Variants in MCAM observed in about 807,000 individuals in gnomAD.
The protein encoded by MCAM is cell surface glycoprotein MUC18.
A neutral mutation model predicts 79.1 loss-of-function variants in MCAM; 55 were observed. That is an observed-to-expected ratio of 0.70 (90% CI 0.56 to 0.87). MCAM has a LOEUF of 0.87. Ranked by LOEUF, MCAM falls within the 40% of genes least tolerant of loss-of-function variation. The pLI, the probability that MCAM is intolerant of heterozygous loss-of-function variation, is 0.00. For synonymous variants in MCAM, 330 were observed against 339.8 expected, an observed-to-expected ratio of 0.97 and a Z score of 0.32; for missense variants, 745 against 839.8, an observed-to-expected ratio of 0.89 and a Z score of 1.40.
chr11:119,314,611 G>A (rs769555286), intron 4 of MCAM, 35 bp from the exon 5 acceptor site: 22 of 1,610,884 alleles, frequency 1.4e-5, no homozygotes, highest in Admixed American at 8.3e-5. Flanking sequence ...CCCTGCCTCC[G>A]AGCCCCCTTC....
chr11:119,309,989 G>A, intron 15 of MCAM, 74 bp from the exon 16 acceptor site: 1 of 1,266,614 alleles, frequency 7.9e-7, no homozygotes, highest in Admixed American at 2.0e-5. Context: ...CGAGAGGAAG[G>A]AGAGATGGAA....
intron 5 of MCAM, chr11:119,314,095 G>T: frequency 1.1e-6 from 1 of 918,808 alleles, no homozygotes; most frequent in Non-Finnish European, 1.3e-6. Flanking sequence ...AGTACCATTT[G>T]TATAATTTTT....
Position 119,311,554 on chromosome 11 carries a change from G to A in MCAM, c.1383C>T (p.Thr461=). 1 of 1,614,114 alleles carries A rather than the reference G, an allele frequency of 6.2e-7. No individual in the cohort carries two copies. Among genetic ancestry groups the A allele is most frequent in the Non-Finnish European group, 8.5e-7 (1 of 1,180,018 alleles). ...CCGTGCCGTTGACGTTCCAGGAGAT[G>A]GTGGGCCGGGGGTGCCCTGACGCTT... ...SCEASGHPRP[T]ISWNVNGTAS... is the part of the protein sequence containing the mutation. The change falls in exon 11 of 16, where the codon ACC becomes ACT. Residue 461 remains threonine (T), a synonymous_variant. Coordinates refer to ENST00000264036, the MANE Select transcript of MCAM (RefSeq NM_006500.3). This position sits in a 1 kb window ranked among gnomAD's most constrained non-coding sequence, Gnocchi z 4.4.
In MCAM at chr11:119,308,774, G is replaced by A. The variant is rs751477561; in HGVS notation, c.*1112C>T. On this transcript the variant is annotated 3_prime_UTR_variant, in exon 16 of 16. Coordinates refer to ENST00000264036, the MANE Select transcript of MCAM (RefSeq NM_006500.3). The stretch of plus-strand genomic sequence containing the variant: ...GTTGGGGCCCTGAGCTTGGTTTGTA[G>A]AAGTTTGGTGCTAATATAACCATAG... 7.9e-5 allele frequency: 12 copies of A among 152,036 alleles called. No homozygotes were observed. Among genetic ancestry groups the A allele is most frequent in the Non-Finnish European group, 1.5e-4 (10 of 67,990 alleles). The allele number at this position is 152,036 out of a possible 1,614,324, so 9.4% of individuals were successfully genotyped here.
At position 119,316,742 on chromosome 11, in the gene MCAM, A is replaced by T; in HGVS notation, c.67+293T>A. The T allele has an allele frequency of 2.4e-6, 1 of 420,510 alleles. No individual in the cohort carries two copies. The highest frequency in any genetic ancestry group is 4.3e-6 in the Non-Finnish European group (1 of 232,544). The allele number at this position is 420,510 out of a possible 1,614,324, so 26.0% of individuals were successfully genotyped here. On this transcript the variant is annotated intron_variant, in intron 1 of 15. Coordinates refer to ENST00000264036, the MANE Select transcript of MCAM (RefSeq NM_006500.3). The surrounding 1 kb of genome is among the most constrained non-coding windows in gnomAD (Gnocchi z 4.8). ...GGCCCCCAGAGTGAGCACCTCAGGGACCACCCACCCCCCAGCACCCCGAAA... is the reference window on the plus strand; with the variant it reads ...GGCCCCCAGAGTGAGCACCTCAGGGTCCACCCACCCCCCAGCACCCCGAAA...
chr11:119,309,462 G>A lies in MCAM; in HGVS notation c.*424C>T, dbSNP rs1390841708. ...CAACATGAGCAGGCGCCTGGCTCCG[G>A]TGTGTCCTCACTTCAGTGGTGCACC... On this transcript the variant is annotated 3_prime_UTR_variant, in exon 16 of 16. Transcript: ENST00000264036. The A allele has an allele frequency of 9.4e-6, 2 of 213,104 alleles. No homozygotes were observed. Among genetic ancestry groups the A allele is most frequent in the Non-Finnish European group, 1.9e-5 (2 of 105,162 alleles). 13.2% of individuals were successfully genotyped at this position (213,104 alleles called of 1,614,324 possible). A position where few individuals can be genotyped will look rare whatever the true frequency, so the allele number is the denominator to read the frequency against.
rs1196681910 is a variant in MCAM, at chr11:119,317,050, A to T, written c.52T>A (p.Cys18Ser). Reference sequence around the variant, plus strand: ...GCGAACTCACCCGCGACGCGAGGACAGCAGCAGCAGGCGGCGAGCAAGAAG... The same window carrying T: ...GCGAACTCACCCGCGACGCGAGGACTGCAGCAGCAGGCGGCGAGCAAGAAG... ...CAFLLAACCCCPRVAGVPGEA... is the reference protein window; with the variant it reads ...CAFLLAACCCSPRVAGVPGEA... The change falls in exon 1 of 16, where the codon TGT (cysteine) becomes AGT (serine). Residue 18 changes from cysteine to serine, a missense_variant. Cys to Ser is a moderately radical substitution (Grantham distance 112). Coordinates refer to ENST00000264036, the MANE Select transcript of MCAM (RefSeq NM_006500.3). The surrounding 1 kb of genome is among the most constrained non-coding windows in gnomAD (Gnocchi z 6.2). The T allele has an allele frequency of 1.3e-6, 2 of 1,529,630 alleles. No individual in the cohort carries two copies. The highest frequency in any genetic ancestry group is 1.8e-6 in the Non-Finnish European group (2 of 1,141,416). 94.8% of individuals were successfully genotyped at this position (1,529,630 alleles called of 1,614,324 possible).
At position 119,315,328 on chromosome 11, in the gene MCAM, G is replaced by A. The variant is rs1446878225; in HGVS notation, c.68-65C>T. 2 of 1,542,560 alleles carry A rather than the reference G, an allele frequency of 1.3e-6. No homozygotes were observed. The highest frequency in any genetic ancestry group is 1.7e-6 in the Non-Finnish European group (2 of 1,147,626). ...CCGGCTGCTGTCCGCCCCTCCCCTC[G>A]CAGCGCTGCTGCAGCTGTTTTTCCT... is the stretch of plus-strand genomic sequence containing the variant. On this transcript the variant is annotated intron_variant, in intron 1 of 15. Coordinates refer to ENST00000264036, the MANE Select transcript of MCAM (RefSeq NM_006500.3). This position sits in a 1 kb window ranked among gnomAD's most constrained non-coding sequence, Gnocchi z 4.4.
At position 119,310,366 on chromosome 11, in the gene MCAM, T is replaced by C; in HGVS notation, c.1894A>G (p.Arg632Gly). The change falls in exon 15 of 16, where the codon AGG (arginine) becomes GGG (glycine). Residue 632 changes from arginine (R) to glycine (G), a missense_variant. By Grantham distance (125) the Arg-to-Gly change is moderately radical. Coordinates refer to ENST00000264036, the MANE Select transcript of MCAM (RefSeq NM_006500.3). The part of the protein sequence containing the change: ...GLLQGSSGDK[R>G]APGDQGEKYI... ...CCTCCTACCTGGTCTCCCGGAGCCC[T>C]CTTGTCACCGCTGCTGCCCTGCAGG... 6.2e-7 allele frequency: 1 copy of C among 1,613,418 alleles called. No individual in the cohort carries two copies. The highest frequency in any genetic ancestry group is 1.1e-5 in the South Asian group (1 of 91,064).
chr11:119,311,645 G>C lies in MCAM; in HGVS notation c.1292C>G (p.Pro431Arg). 6.2e-7 allele frequency: 1 copy of C among 1,614,026 alleles called. No homozygotes were observed. The highest frequency in any genetic ancestry group is 2.2e-5 in the East Asian group (1 of 44,866). The stretch of plus-strand genomic sequence containing the variant: ...CTTCCTCTCCTTGAATGCCATCCAA[G>C]GGGGGCCTTGGGGAGGTAGGGAGAG... Reference protein sequence around the residue: ...QLVNVAIFGPPWMAFKERKVW... With the variant: ...QLVNVAIFGPRWMAFKERKVW... Residue 431 changes from proline (P) to arginine (R), a missense_variant, in exon 11 of 16, where the codon CCT becomes CGT. Physicochemically the swap from Pro to Arg is moderately radical, Grantham distance 103. Transcript: ENST00000264036. The surrounding 1 kb of genome is among the most constrained non-coding windows in gnomAD (Gnocchi z 4.4).
Position 119,311,401 on chromosome 11 carries a change from A to G in MCAM, c.1428T>C (p.Asp476=). The change falls in exon 12 of 16, where the codon GAT becomes GAC. Residue 476 remains aspartate, a synonymous_variant. Coordinates refer to ENST00000264036, the MANE Select transcript of MCAM (RefSeq NM_006500.3). This position sits in a 1 kb window ranked among gnomAD's most constrained non-coding sequence, Gnocchi z 4.4. The stretch of plus-strand genomic sequence containing the variant: ...TCAGGGTGCTCAGGACTCGCTGTGG[A>G]TCTTGGTCTTGTTCACTTGCCTGCG... The part of the protein sequence containing the change: ...VNGTASEQDQ[D]PQRVLSTLNV... The G allele has an allele frequency of 1.2e-6, 2 of 1,614,070 alleles. No homozygotes were observed. The highest frequency in any genetic ancestry group is 1.3e-5 in the African/African-American group (1 of 75,002).
In MCAM at chr11:119,310,898, T is replaced by G; in HGVS notation, c.1651A>C (p.Lys551Gln). The G allele has an allele frequency of 6.2e-7, 1 of 1,614,080 alleles. No homozygotes were observed. The highest frequency in any genetic ancestry group is 8.5e-7 in the Non-Finnish European group (1 of 1,180,000). The stretch of plus-strand genomic sequence containing the variant: ...CCCCGGCTCTCCGGCTCCGGCAGCT[T>G]TCTCTCTGCGCCACAAAGACACTCC... ...TRANSTSTER[K>Q]LPEPESRGVV... Residue 551 changes from lysine (K) to glutamine (Q), a missense_variant, in exon 14 of 16, where the codon AAG (lysine) becomes CAG (glutamine). By Grantham distance (53) the Lys-to-Gln change is moderately conservative. Transcript: ENST00000264036.
intron 5 of MCAM, 76 bp from the exon 6 acceptor site, chr11:119,313,025 T>C: frequency 6.2e-7 from 1 of 1,603,796 alleles, no homozygotes; most frequent in African/African-American, 1.3e-5. Context: ...TCCACTGGGG[T>C]TGGCAGGGGA....
rs554245929 is a variant in MCAM at position 119,316,312 on chromosome 11, G to A, written c.67+723C>T. Among the ~76,000 whole-genome samples the A allele has an allele frequency of 2.2e-4, 33 of 152,220 alleles. No individual in the cohort carries two copies. The highest frequency in any genetic ancestry group is 4.7e-4 in the Non-Finnish European group (32 of 68,032). The stretch of plus-strand genomic sequence containing the variant: ...CCGCTGCGGGCCATACAAGGGCAGC[G>A]TGGACCCGAGAGCGCCCTGCTACCA... On this transcript the variant is annotated intron_variant, in intron 1 of 15. Coordinates refer to ENST00000264036, the MANE Select transcript of MCAM (RefSeq NM_006500.3). The surrounding 1 kb of genome is among the most constrained non-coding windows in gnomAD (Gnocchi z 4.8).
At position 119,311,744 on chromosome 11, in the gene MCAM, T is replaced by A; in HGVS notation, c.1285+64A>T. 1 of 1,607,610 alleles carries A rather than the reference T, an allele frequency of 6.2e-7. No individual in the cohort carries two copies. The highest frequency in any genetic ancestry group is 8.5e-7 in the Non-Finnish European group (1 of 1,175,836). ...CCCCAGGGCAGCAGGTGGCTTTTTGTCAAAGAGCTTAAAAACCACCCCACT... is the reference window on the plus strand; with the variant it reads ...CCCCAGGGCAGCAGGTGGCTTTTTGACAAAGAGCTTAAAAACCACCCCACT... On this transcript the variant is annotated intron_variant, in intron 10 of 15. Transcript: ENST00000264036. The surrounding 1 kb of genome is among the most constrained non-coding windows in gnomAD (Gnocchi z 4.4).
chr11:119,310,665 A>T, intron 14 of MCAM, 91 bp downstream of exon 14: 1 of 1,419,310 alleles, frequency 7.0e-7, no homozygotes, highest in Non-Finnish European at 9.7e-7. Context: ...CCAGGGCCCC[A>T]CTCCTGCTGT....
rs142042661 is a variant in MCAM, at chr11:119,311,158, G to A, written c.1577C>T (p.Ser526Phe). Residue 526 changes from serine to phenylalanine, a missense_variant, in exon 13 of 16, where the codon TCC becomes TTC. By Grantham distance (155) the Ser-to-Phe change is radical. Coordinates refer to ENST00000264036, the MANE Select transcript of MCAM (RefSeq NM_006500.3). This position sits in a 1 kb window ranked among gnomAD's most constrained non-coding sequence, Gnocchi z 4.4. ...LVNLTTLTPD[S>F]NTTTGLSTST... ...AGTGCTGAGGCCAGTGGTTGTGTTG[G>A]AGTCTGGTGTGAGGGTGGTTAAATT... is the stretch of plus-strand genomic sequence containing the variant. The A allele has an allele frequency of 1.2e-4, 199 of 1,614,104 alleles. No homozygotes were observed. The highest frequency in any genetic ancestry group is 1.6e-4 in the Non-Finnish European group (184 of 1,180,048).
In MCAM at chr11:119,309,522, C is replaced by T. The variant is rs963822340; in HGVS notation, c.*364G>A. ...GAAGCCAGCCTTTGGGGCAGGAAAC[C>T]AGCTCAGAGAGGCTACCCAGCTCAG... On this transcript the variant is annotated 3_prime_UTR_variant, in exon 16 of 16. Coordinates refer to ENST00000264036, the MANE Select transcript of MCAM (RefSeq NM_006500.3). The T allele has an allele frequency of 6.9e-6, 2 of 290,258 alleles. No individual in the cohort carries two copies. Among genetic ancestry groups the T allele is most frequent in the South Asian group, 4.9e-5 (1 of 20,344 alleles). The allele number at this position is 290,258 out of a possible 1,614,324, so 18.0% of individuals were successfully genotyped here.
Position 119,311,219 on chromosome 11 carries a change from G to A in MCAM, c.1550-34C>T, listed in dbSNP as rs751557924. ...CAGAGGGAGGGGTGTTAGGAGAAGCGCAAGTTACTGCCCGTGCCTGGGCCT... is the reference window on the plus strand; with the variant it reads ...CAGAGGGAGGGGTGTTAGGAGAAGCACAAGTTACTGCCCGTGCCTGGGCCT... On this transcript the variant is annotated intron_variant, in intron 12 of 15. Transcript: ENST00000264036. This position sits in a 1 kb window ranked among gnomAD's most constrained non-coding sequence, Gnocchi z 4.4. 7.4e-6 allele frequency: 12 copies of A among 1,613,006 alleles called. No individual in the cohort carries two copies. Among genetic ancestry groups the A allele is most frequent in the Admixed American group, 5.0e-5 (3 of 60,004 alleles).
Sources: gnomAD v4.1 joint callset for allele counts (sites outside exome capture counted in the v4.1 genomes callset) on GRCh38, gnomAD v4.1.1 for gene constraint, Gnocchi (gnomAD v3.1) non-coding constraint, MANE v1.5 for transcripts, NCBI Gene and HGNC (gene_info 2026-07-23, HGNC 2026-07-21) for gene names.